The following RABGAP1L variants were observed in gnomAD, a reference collection of about 807,000 sequenced individuals.
RABGAP1L encodes rab GTPase-activating protein 1-like.
RABGAP1L carries 63 observed loss-of-function variants against 137.7 expected under a neutral mutation model. The ratio of observed to expected loss-of-function variants is 0.46; its 90% CI spans 0.37 to 0.56. The LOEUF is 0.56. Among genes scored for constraint, RABGAP1L ranks in the 20% least tolerant of loss-of-function variants. The pLI is 0.00. For missense variants in RABGAP1L, 1,095 were observed against 1,244.0 expected, an observed-to-expected ratio of 0.88 and a Z score of 1.80; for synonymous variants, 431 against 433.7, an observed-to-expected ratio of 0.99 and a Z score of 0.08.
intron 13 of RABGAP1L, among the ~76,000 whole-genome samples, chr1:174,510,373 A>G (rs150758040): frequency 6.6e-6 from 1 of 152,304 alleles, no homozygotes; most frequent in East Asian, 1.9e-4. Context: ...GCAGGTACTC[A>G]GTAAATATTT....
intron 17 of RABGAP1L, among the ~76,000 whole-genome samples, chr1:174,733,161 A>G (rs1302760464): frequency 6.6e-6 from 1 of 152,202 alleles, no homozygotes; most frequent in African/African-American, 2.4e-5. Flanking sequence ...TCTCCAAAAA[A>G]GAATAAAAGG....
chr1:174,612,596 T>C (rs1190180949), intron 13 of RABGAP1L, among the ~76,000 whole-genome samples: 1 of 152,130 alleles, frequency 6.6e-6, no homozygotes, highest in Non-Finnish European at 1.5e-5. Context: ...GGATTCCCTC[T>C]TTTTCTATTG....
chr1:174,861,574 G>A (rs1190171705), intron 19 of RABGAP1L, among the ~76,000 whole-genome samples: 1 of 152,028 alleles, frequency 6.6e-6, no homozygotes, highest in African/African-American at 2.4e-5. Context: ...TCCACCAAAA[G>A]TGTATAAAAG....
intron 13 of RABGAP1L, among the ~76,000 whole-genome samples, chr1:174,403,312 C>T (rs1648864407): frequency 6.8e-6 from 1 of 146,338 alleles, no homozygotes; most frequent in African/African-American, 2.5e-5. Flanking sequence ...AGGGTCTCAC[C>T]ATGTTGCTCA....
intron 13 of RABGAP1L, among the ~76,000 whole-genome samples, chr1:174,536,258 CT>C (rs914818919): frequency 1.3e-5 from 2 of 150,812 alleles, no homozygotes; most frequent in South Asian, 2.1e-4. Context: ...GTATATATCA[CT>C]TTTTTTTCCA....
chr1:174,973,995 T>G (rs960723168), intron 21 of RABGAP1L, among the ~76,000 whole-genome samples: 11 of 132,696 alleles, frequency 8.3e-5, no homozygotes, highest in African/African-American at 2.5e-4. Flanking sequence ...TTTTTTTTTT[T>G]TTTTTTTTTT....
intron 14 of RABGAP1L, among the ~76,000 whole-genome samples, chr1:174,650,577 C>A (rs898506021): frequency 6.7e-6 from 1 of 148,352 alleles, no homozygotes; most frequent in African/African-American, 2.5e-5. Flanking sequence ...GTGTACGTGT[C>A]GAGGAATTTA....
At chr1:174,333,782 G>T (rs1320769114) in intron 11 of RABGAP1L, among the ~76,000 whole-genome samples, 1 of 152,220 alleles carries the variant, frequency 6.6e-6, no homozygotes, top group Non-Finnish European at 1.5e-5. Flanking sequence ...GCTAGGGAAG[G>T]CTCACTTGAT....
intron 20 of RABGAP1L, chr1:174,965,077 A>C (rs748651325): frequency 1.1e-6 from 1 of 921,684 alleles, no homozygotes; most frequent in South Asian, 1.6e-5. Flanking sequence ...TTACTAACCA[A>C]ACTTTCCCAG....
chr1:174,866,920 A>T (rs539421602), intron 19 of RABGAP1L, among the ~76,000 whole-genome samples: 49 of 150,696 alleles, frequency 3.3e-4, no homozygotes, highest in East Asian at 2.5e-3. Context: ...CAAAAAAAAA[A>T]TTTTTTTTTT....
chr1:174,448,955 A>G lies in RABGAP1L; in HGVS notation c.1710+54810A>G. On this transcript the variant is annotated intron_variant, in intron 13 of 25. Coordinates refer to ENST00000681986, the MANE Select transcript of RABGAP1L (RefSeq NM_001366446.1). The surrounding 1 kb of genome is among the most constrained non-coding windows in gnomAD (Gnocchi z 4.2). ...ATTTTATATGCTGTGGCTCCCCTAT[A>G]TAATTTACTTTCTTCTAGAAAGCTC... is the stretch of plus-strand genomic sequence containing the variant. 6.2e-7 allele frequency: 1 copy of G among 1,614,050 alleles called. No individual in the cohort carries two copies. The highest frequency in any genetic ancestry group is 8.5e-7 in the Non-Finnish European group (1 of 1,179,926).
intron 18 of RABGAP1L, among the ~76,000 whole-genome samples, chr1:174,770,800 G>A (rs1327106717): frequency 6.6e-6 from 1 of 152,094 alleles, no homozygotes; most frequent in Non-Finnish European, 1.5e-5. Flanking sequence ...CATCTTTCCT[G>A]TCTCTCTTTG....
chr1:174,842,249 T>A (rs912419945), intron 19 of RABGAP1L, among the ~76,000 whole-genome samples: 2 of 152,192 alleles, frequency 1.3e-5, no homozygotes, highest in African/African-American at 2.4e-5. Context: ...TCTATATCAT[T>A]TCCAGGGGCA....
intron 18 of RABGAP1L, among the ~76,000 whole-genome samples, chr1:174,800,841 T>A (rs927653682): frequency 6.6e-6 from 1 of 152,218 alleles, no homozygotes; most frequent in Non-Finnish European, 1.5e-5. Context: ...GTTATGTATA[T>A]CTCCAAAGGG....
chr1:174,322,462 G>A (rs1393538761), intron 11 of RABGAP1L, among the ~76,000 whole-genome samples: 1 of 152,088 alleles, frequency 6.6e-6, no homozygotes, highest in Non-Finnish European at 1.5e-5. Context: ...CACTCATATA[G>A]CAGTCAAAAT....
At chr1:174,180,542 G>A (rs1197069243) in intron 1 of RABGAP1L, among the ~76,000 whole-genome samples, 2 of 152,166 alleles carry the variant, frequency 1.3e-5, no homozygotes, top group Non-Finnish European at 2.9e-5. Flanking sequence ...ATAGCTCACT[G>A]CAGCCTTGAA....
chr1:174,727,308 A>G (rs1682065618), intron 17 of RABGAP1L, among the ~76,000 whole-genome samples: 1 of 152,236 alleles, frequency 6.6e-6, no homozygotes, highest in South Asian at 2.1e-4. Context: ...TCTTTGAGCC[A>G]GAAGGAACTT....
intron 18 of RABGAP1L, among the ~76,000 whole-genome samples, chr1:174,786,860 G>A (rs973004162): frequency 3.3e-5 from 5 of 152,050 alleles, no homozygotes; most frequent in African/African-American, 1.2e-4. Context: ...CTTCACGTGA[G>A]CATCATTTAT....
At chr1:174,705,039 A>T (rs535577610) in intron 17 of RABGAP1L, among the ~76,000 whole-genome samples, 3 of 152,144 alleles carry the variant, frequency 2.0e-5, no homozygotes, top group Admixed American at 2.0e-4. Flanking sequence ...TGAGTTATAT[A>T]TAGTATGAGC....
Sources: gnomAD v4.1 joint callset for allele counts (sites outside exome capture counted in the v4.1 genomes callset) on GRCh38, gnomAD v4.1.1 for gene constraint, Gnocchi (gnomAD v3.1) non-coding constraint, MANE v1.5 for transcripts, NCBI Gene and HGNC (gene_info 2026-07-23, HGNC 2026-07-21) for gene names.